SKIL: variants seen among roughly 807,000 people sequenced by gnomAD.
The protein encoded by SKIL is ski-like protein.
In SKIL, 20 loss-of-function variants were observed where a neutral mutation model predicts 69.6. The observed-to-expected ratio is 0.29, with a 90% CI of 0.20 to 0.42. The LOEUF (loss-of-function observed/expected upper bound fraction) is 0.42. Among genes scored for constraint, SKIL ranks in the 10% least tolerant of loss-of-function variants. The pLI, the probability that SKIL is intolerant of heterozygous loss-of-function variation, is 1.00. For missense variants in SKIL, 745 were observed against 783.1 expected, an observed-to-expected ratio of 0.95 and a Z score of 0.58; for synonymous variants, 310 against 279.9, an observed-to-expected ratio of 1.11 and a Z score of -1.08.
chr3:170,364,137 G>A (rs184168141), intron 2 of SKIL, among the ~76,000 whole-genome samples: 282 of 152,038 alleles, frequency 1.9e-3, no homozygotes, highest in African/African-American at 6.6e-3. Flanking sequence ...TATTTTAGTA[G>A]AGAGGGGGTT....
chr3:170,358,694 C>G (rs1314727677), intron 1 of SKIL: 1 of 152,168 alleles, frequency 6.6e-6, no homozygotes, highest in South Asian at 2.1e-4. Context: ...TATTGGATTT[C>G]TTTTGGCTTT....
intron 3 of SKIL, among the ~76,000 whole-genome samples, chr3:170,383,476 A>G (rs1737463794): frequency 6.6e-6 from 1 of 152,244 alleles, no homozygotes; most frequent in South Asian, 2.1e-4. Context: ...CTCAGAATAT[A>G]GTTACAAATA....
intron 2 of SKIL, among the ~76,000 whole-genome samples, chr3:170,367,916 T>C (rs1736624527): frequency 6.6e-6 from 1 of 152,344 alleles, no homozygotes; most frequent in Admixed American, 6.5e-5. Context: ...AAATTTTTTT[T>C]CCCTGAAAGC....
At chr3:170,365,410 C>T (rs1240581204) in intron 2 of SKIL, among the ~76,000 whole-genome samples, 1 of 152,160 alleles carries the variant, frequency 6.6e-6, no homozygotes, top group Non-Finnish European at 1.5e-5. Flanking sequence ...TGAATGCTGA[C>T]ATGGCACTCA....
chr3:170,390,948 G>T, intron 5 of SKIL, 88 bp from the exon 6 acceptor site: 1 of 675,942 alleles, frequency 1.5e-6, no homozygotes, highest in Non-Finnish European at 2.6e-6. Flanking sequence ...TGAATTTTAG[G>T]TATTTTCTGT....
At chr3:170,379,512 C>A (rs567843468) in intron 2 of SKIL, among the ~76,000 whole-genome samples, 5 of 152,032 alleles carry the variant, frequency 3.3e-5, no homozygotes, top group African/African-American at 9.6e-5. Flanking sequence ...CCCACAAAAG[C>A]AAGGTAATTT....
At chr3:170,390,132 A>G in intron 4 of SKIL, 91 bp from the exon 5 acceptor site, 1 of 899,734 alleles carries the variant, frequency 1.1e-6, no homozygotes, top group Non-Finnish European at 1.7e-6. Flanking sequence ...TATAAATGAA[A>G]TGTTTTAAAA....
chr3:170,379,478 G>GC (rs1334216608), intron 2 of SKIL, among the ~76,000 whole-genome samples: 5 of 59,138 alleles, frequency 8.5e-5, no homozygotes, highest in South Asian at 4.5e-4. Context: ...AGTGAGTCTT[G>GC]CCCCCCCTTT....
chr3:170,392,531 A>G lies in SKIL; in HGVS notation c.*114A>G, dbSNP rs1737977178. ...CTGCATGACGATAACTAGGCATTCTATCCATTTGTAGATCAGAGAAAGTGA... is the reference window on the plus strand; with the variant it reads ...CTGCATGACGATAACTAGGCATTCTGTCCATTTGTAGATCAGAGAAAGTGA... On this transcript the variant is annotated 3_prime_UTR_variant, in exon 7 of 7. Transcript: ENST00000259119. 4 of 579,020 alleles carry G rather than the reference A, an allele frequency of 6.9e-6. No homozygotes were observed. The East Asian group carries it at 8.9e-5, about 13-fold the overall frequency. 35.9% of individuals were successfully genotyped at this position (579,020 alleles called of 1,614,324 possible). A position where few individuals can be genotyped will look rare whatever the true frequency, so the allele number is the denominator to read the frequency against.
intron 3 of SKIL, among the ~76,000 whole-genome samples, chr3:170,382,718 A>ATTTTTTT (rs35647654): frequency 1.6e-5 from 2 of 123,078 alleles, no homozygotes; most frequent in Admixed American, 9.0e-5. Flanking sequence ...CGCAACTTCA[A>ATTTTTTT]TTTTTTTTTT....
rs115825266 is a variant in SKIL, at chr3:170,394,355, A to G, written c.*1938A>G. The G allele has an allele frequency of 3.1e-3, 468 of 152,188 alleles. 3 individuals carry two copies. Among genetic ancestry groups the G allele is most frequent in the African/African-American group, 0.011 (448 of 41,532 alleles). 9.4% of individuals were successfully genotyped at this position (152,188 alleles called of 1,614,324 possible). ...CAATACAATCTATTTAGATCTGGAG[A>G]AGGAAAAATCAGATATTTATGATAT... On this transcript the variant is annotated 3_prime_UTR_variant, in exon 7 of 7. Coordinates refer to ENST00000259119, the MANE Select transcript of SKIL (RefSeq NM_005414.5).
chr3:170,361,802 G>T (rs1443846367), intron 2 of SKIL, among the ~76,000 whole-genome samples: 1 of 150,718 alleles, frequency 6.6e-6, no homozygotes, highest in African/African-American at 2.4e-5. Flanking sequence ...GGCCAGGCTG[G>T]TCTTGAACTC....
In SKIL at chr3:170,394,715, T is replaced by C. The variant is rs1440018326; in HGVS notation, c.*2298T>C. 3.3e-5 allele frequency: 5 copies of C among 152,208 alleles called. No homozygotes were observed. Among genetic ancestry groups the C allele is most frequent in the Admixed American group, 6.5e-5 (1 of 15,278 alleles). The allele number at this position is 152,208 out of a possible 1,614,324, so 9.4% of individuals were successfully genotyped here. A position where few individuals can be genotyped will look rare whatever the true frequency, so the allele number is the denominator to read the frequency against. The stretch of plus-strand genomic sequence containing the variant: ...CGTCTTCATTTTCCAGAAGATGCGT[T>C]GGTGTGCCATAGGTTTCTAACTTCC... On this transcript the variant is annotated 3_prime_UTR_variant, in exon 7 of 7. Coordinates refer to ENST00000259119, the MANE Select transcript of SKIL (RefSeq NM_005414.5).
intron 2 of SKIL, among the ~76,000 whole-genome samples, chr3:170,365,473 T>G (rs375841143): frequency 6.6e-6 from 1 of 152,118 alleles, no homozygotes; most frequent in Non-Finnish European, 1.5e-5. Flanking sequence ...TTTGGGATGC[T>G]CAACTGCCAT....
chr3:170,378,553 CTTTTTT>C (rs373084445), intron 2 of SKIL, among the ~76,000 whole-genome samples: 3 of 118,996 alleles, frequency 2.5e-5, no homozygotes, highest in Non-Finnish European at 5.0e-5. Flanking sequence ...CTCTCTCTCT[CTTTTTT>C]TTTTTTTTTG....
chr3:170,387,656 G>T (rs1430145956), intron 4 of SKIL, among the ~76,000 whole-genome samples: 1 of 150,514 alleles, frequency 6.6e-6, no homozygotes, highest in East Asian at 2.0e-4. Flanking sequence ...GGGCGCGGTG[G>T]CTCACGCCTG....
chr3:170,360,769 G>A lies in SKIL; in HGVS notation c.438G>A (p.Gln146=), dbSNP rs1362509898. 8.7e-6 allele frequency: 14 copies of A among 1,614,182 alleles called. No individual in the cohort carries two copies. Among genetic ancestry groups the A allele is most frequent in the Non-Finnish European group, 1.0e-5 (12 of 1,180,022 alleles). ...CAGATAGCTCCACAGAACTCACTCA[G>A]ACTGTGTTGGAAGGGGAATCTATTT... ...IPSDSSTELT[Q]TVLEGESISC... Residue 146 remains glutamine, a synonymous_variant, in exon 2 of 7, where the codon CAG becomes CAA. Transcript: ENST00000259119.
chr3:170,385,067 C>A, intron 4 of SKIL: 1 of 190,304 alleles, frequency 5.3e-6, no homozygotes, highest in South Asian at 1.2e-4. Context: ...TCAGGAGATC[C>A]TTGTTTTTCT....
intron 2 of SKIL, among the ~76,000 whole-genome samples, chr3:170,371,152 ATGTAAT>A (rs1300340735): frequency 6.6e-6 from 1 of 152,180 alleles, no homozygotes; most frequent in African/African-American, 2.4e-5. Flanking sequence ...TCATTTGCGT[ATGTAAT>A]TGTAACTGTG....
Sources: gnomAD v4.1 joint callset for allele counts (sites outside exome capture counted in the v4.1 genomes callset) on GRCh38, gnomAD v4.1.1 for gene constraint, MANE v1.5 for transcripts, NCBI Gene and HGNC (gene_info 2026-07-23, HGNC 2026-07-21) for gene names.